The following KDM2B variants were observed in gnomAD, a reference collection of about 807,000 sequenced individuals.
KDM2B encodes the protein lysine demethylase 2B.
In KDM2B, 26 loss-of-function variants were observed where a neutral mutation model predicts 150.0. The ratio of observed to expected loss-of-function variants is 0.17; its 90% CI spans 0.13 to 0.24. The LOEUF (loss-of-function observed/expected upper bound fraction) is 0.24. Ranked by LOEUF, KDM2B falls within the 10% of genes least tolerant of loss-of-function variation. KDM2B has a pLI of 1.00. For synonymous variants in KDM2B, 734 were observed against 729.5 expected (o/e 1.01, Z -0.10); for missense variants, 1,265 against 1,816.9 (o/e 0.70, Z 5.52).
chr12:121,549,376 C>T lies in KDM2B; in HGVS notation c.576+84G>A, dbSNP rs769004995. 190 of 1,336,078 alleles carry T rather than the reference C, an allele frequency of 1.4e-4. No individual in the cohort carries two copies. Among genetic ancestry groups the T allele is most frequent in the Non-Finnish European group, 1.9e-4 (181 of 974,222 alleles). The allele number at this position is 1,336,078 out of a possible 1,614,324, so 82.8% of individuals were successfully genotyped here. ...AGCCACACCCACATGAGCCTTTTTG[C>T]AAGGCACAACCCAGGTGGCAGGGGG... is the stretch of plus-strand genomic sequence containing the variant. On this transcript the variant is annotated intron_variant, in intron 5 of 22. Transcript: ENST00000377071. The surrounding 1 kb of genome is among the most constrained non-coding windows in gnomAD (Gnocchi z 4.4).
intron 22 of KDM2B, among the ~76,000 whole-genome samples, chr12:121,439,318 G>A (rs949111848): frequency 5.3e-5 from 8 of 151,626 alleles, no homozygotes; most frequent in Non-Finnish European, 1.0e-4. Context: ...ACTGCTATGT[G>A]CTTGTGGCTG....
chr12:121,499,702 CTT>C (rs1884332302), intron 11 of KDM2B, among the ~76,000 whole-genome samples: 1 of 151,956 alleles, frequency 6.6e-6, no homozygotes, highest in African/African-American at 2.4e-5. Context: ...AATTCCAGCA[CTT>C]TGAGAGGCCA....
chr12:121,420,149 C>A, the KDM2B span: 2 of 1,168,548 alleles, frequency 1.7e-6, no homozygotes, highest in Non-Finnish European at 2.5e-6. Flanking sequence ...TGCTGGCTTT[C>A]TGGTCATCAT....
intron 13 of KDM2B, among the ~76,000 whole-genome samples, chr12:121,446,808 TGA>T (rs545082760): frequency 5.3e-4 from 81 of 152,362 alleles, no homozygotes; most frequent in African/African-American, 1.9e-3. Context: ...TTCCCAATAC[TGA>T]GAGACTTTTC....
Position 121,534,379 on chromosome 12 carries a change from T to C in KDM2B, c.777+118A>G, listed in dbSNP as rs191603493. The C allele has an allele frequency of 4.3e-4, 306 of 713,456 alleles. 3 individuals carry two copies. The African/African-American group carries it at 4.8e-3, about 11-fold the overall frequency. The allele number at this position is 713,456 out of a possible 1,614,324, so 44.2% of individuals were successfully genotyped here. ...AAAAAAAAAAGAGTAATCCTTAAAG[T>C]ACTCCTGGGGCAGGGCTGGTTGGAG... On this transcript the variant is annotated intron_variant, in intron 7 of 22. Coordinates refer to ENST00000377071, the MANE Select transcript of KDM2B (RefSeq NM_032590.5).
intron 7 of KDM2B, among the ~76,000 whole-genome samples, chr12:121,534,200 T>A (rs886454705): frequency 6.6e-6 from 1 of 151,532 alleles, no homozygotes; most frequent in African/African-American, 2.4e-5. Flanking sequence ...ATACAAAAAA[T>A]TAGCAGGGCG....
Position 121,467,441 on chromosome 12 carries a change from C to G in KDM2B, c.1735-14097G>C. The G allele has an allele frequency of 1.3e-6, 1 of 759,046 alleles. No homozygotes were observed. Among genetic ancestry groups the G allele is most frequent in the Non-Finnish European group, 1.6e-6 (1 of 625,914 alleles). The allele number at this position is 759,046 out of a possible 1,614,324, so 47.0% of individuals were successfully genotyped here. On this transcript the variant is annotated intron_variant, in intron 12 of 22. Coordinates refer to ENST00000377071, the MANE Select transcript of KDM2B (RefSeq NM_032590.5). The surrounding 1 kb of genome is among the most constrained non-coding windows in gnomAD (Gnocchi z 5.1). ...GCGCCATGCATATGCATGAGGCGAG[C>G]CAGGAAGGGGCTGGCCCCCCGGGCG...
At chr12:121,445,587 T>C (rs1033081972) in intron 13 of KDM2B, among the ~76,000 whole-genome samples, 169 bp from the exon 14 acceptor site, 7 of 152,192 alleles carry the variant, frequency 4.6e-5, no homozygotes, top group Non-Finnish European at 1.0e-4. Flanking sequence ...ATCAGGCTAC[T>C]ACCTCCACAT....
chr12:121,559,636 C>T (rs140721627), intron 4 of KDM2B, among the ~76,000 whole-genome samples: 5 of 152,214 alleles, frequency 3.3e-5, no homozygotes, highest in Admixed American at 3.3e-4. Flanking sequence ...TGCAGTGGCT[C>T]ATGCCTGTAA....
rs375716448 is a variant in KDM2B at position 121,568,027 on chromosome 12, C to A, written c.397+6520G>T. 3.9e-3 allele frequency among the ~76,000 whole-genome samples: 589 copies of A among 152,188 alleles called. 2 individuals carry two copies. Among genetic ancestry groups the A allele is most frequent in the South Asian group, 0.028 (134 of 4,820 alleles). On this transcript the variant is annotated intron_variant, in intron 4 of 22. Transcript: ENST00000377071. ...TACAGGCGTGAGCCACTGCGCCCAG[C>A]CTAAGAAAATAAATTGTTGTTGAAG...
At chr12:121,466,750 G>T (rs1189268800) in intron 12 of KDM2B, among the ~76,000 whole-genome samples, 2 of 148,692 alleles carry the variant, frequency 1.3e-5, no homozygotes, top group Non-Finnish European at 3.0e-5. Context: ...GCGCCCGCGG[G>T]GTCCGGGTGC....
At chr12:121,528,481 C>T (rs966527525) in intron 8 of KDM2B, among the ~76,000 whole-genome samples, 13 of 152,018 alleles carry the variant, frequency 8.6e-5, no homozygotes, top group South Asian at 6.2e-4. Flanking sequence ...ATTGCTTAAA[C>T]TTGGGAGGTG....
At chr12:121,556,156 A>C (rs782029451) in intron 4 of KDM2B, among the ~76,000 whole-genome samples, 1 of 151,866 alleles carries the variant, frequency 6.6e-6, no homozygotes, top group Non-Finnish European at 1.5e-5. Context: ...TGAACTCCTG[A>C]CATTGTGATC....
In KDM2B at chr12:121,450,129, T is replaced by C. The variant is rs188849817; in HGVS notation, c.1959+2991A>G. Among the ~76,000 whole-genome samples the C allele has an allele frequency of 1.3e-4, 20 of 151,506 alleles. No individual in the cohort carries two copies. The East Asian group carries it at 2.9e-3, about 22-fold the overall frequency. On this transcript the variant is annotated intron_variant, in intron 13 of 22. Transcript: ENST00000377071. Reference sequence around the variant, plus strand: ...AGGGGTTTGAGACCAGCCTAGACAATAGAGTGAAACCCTGCCTCTACCAAA... The same window carrying C: ...AGGGGTTTGAGACCAGCCTAGACAACAGAGTGAAACCCTGCCTCTACCAAA...
intron 4 of KDM2B, among the ~76,000 whole-genome samples, chr12:121,560,115 C>CA (rs1890234428): frequency 6.6e-6 from 1 of 152,100 alleles, no homozygotes; most frequent in Non-Finnish European, 1.5e-5. Flanking sequence ...AGCGATCCTC[C>CA]GACCTCAGCC....
intron 12 of KDM2B, among the ~76,000 whole-genome samples, chr12:121,461,336 C>G (rs1435923725): frequency 6.6e-6 from 1 of 152,158 alleles, no homozygotes; most frequent in Non-Finnish European, 1.5e-5. Flanking sequence ...CCTCATCTAC[C>G]ACAGTAGGGA....
chr12:121,422,625 G>A, the KDM2B span, among the ~76,000 whole-genome samples: 1 of 152,172 alleles, frequency 6.6e-6, no homozygotes, highest in Admixed American at 6.5e-5. Context: ...TTGAATTCCT[G>A]TTCTGTTCCA....
chr12:121,494,398 G>T, intron 12 of KDM2B, 181 bp downstream of exon 12: 1 of 557,164 alleles, frequency 1.8e-6, no homozygotes, highest in South Asian at 2.1e-5. Context: ...CCACAGCTAG[G>T]TAAAGCAACC....
At chr12:121,423,495 C>T in the KDM2B span, 1 of 1,614,150 alleles carries the variant, frequency 6.2e-7, no homozygotes, top group Non-Finnish European at 8.5e-7. The surrounding 1 kb of genome is among the most constrained non-coding windows in gnomAD (Gnocchi z 4.3). Context: ...TGGTTACCTG[C>T]ACCAAGTGCG....
Sources: allele counts gnomAD v4.1 joint callset (sites outside exome capture counted in the v4.1 genomes callset), GRCh38; gene constraint gnomAD v4.1.1; non-coding constraint Gnocchi (gnomAD v3.1); transcripts MANE v1.5; gene names NCBI Gene and HGNC (gene_info 2026-07-23, HGNC 2026-07-21).